HECW2: variants seen among roughly 807,000 people sequenced by gnomAD.
The protein encoded by HECW2 is HECT, C2 and WW domain containing E3 ubiquitin protein ligase 2, also known as E3 ubiquitin-protein ligase HECW2.
A neutral mutation model predicts 175.2 loss-of-function variants in HECW2; 61 were observed. That is an observed-to-expected ratio of 0.35 (90% confidence interval 0.28 to 0.43). HECW2 has a LOEUF of 0.43. Among genes scored for constraint, HECW2 ranks in the 20% least tolerant of loss-of-function variants. The probability of loss-of-function intolerance (pLI) is 1.00; values close to 1 mark genes in which losing one functional copy is unlikely to be tolerated. For synonymous variants in HECW2, 671 were observed against 731.0 expected (o/e 0.92, Z 1.32); for missense variants, 1,524 against 2,000.5 (o/e 0.76, Z 4.54).
intron 28 of HECW2, among the ~76,000 whole-genome samples, chr2:196,204,477 A>G (rs996549785): frequency 1.3e-5 from 2 of 152,192 alleles, no homozygotes; most frequent in East Asian, 3.8e-4. Flanking sequence ...GCTACTATGA[A>G]TTCTATAGCT....
intron 1 of HECW2, among the ~76,000 whole-genome samples, chr2:196,444,943 A>G (rs895369986): frequency 1.2e-4 from 19 of 152,148 alleles, no homozygotes; most frequent in African/African-American, 4.3e-4. Context: ...CTGCAAATTT[A>G]TCTATTCTGT....
rs148753553 is a variant in HECW2 at position 196,278,528 on chromosome 2, C to A, written c.3135G>T (p.Glu1045Asp). Residue 1045 changes from glutamate to aspartate, a missense_variant and splice_region_variant, in exon 15 of 29, where the codon GAG (glutamate) becomes GAT (aspartate). Glu to Asp is a conservative substitution (Grantham distance 45, BLOSUM62 2). Around this residue, in one of 11 missense-constraint regions of HECW2, gnomAD observed 291 missense variants for 412.2 expected, o/e 0.71. Transcript: ENST00000644978. ...TCAGTCCCCAAAACGCATGACTCAC[C>A]TCACCCGCACTGTGGCTGCGTTGCC... Reference protein sequence around the residue: ...LTRQRSHSAGEVGEDSRHAGP... With the variant: ...LTRQRSHSAGDVGEDSRHAGP... 1 of 1,613,680 alleles carries A rather than the reference C, an allele frequency of 6.2e-7. No homozygotes were observed. Among genetic ancestry groups the A allele is most frequent in the South Asian group, 1.1e-5 (1 of 91,040 alleles).
At chr2:196,203,525 A>G (rs1686948077) in intron 28 of HECW2, among the ~76,000 whole-genome samples, 1 of 152,132 alleles carries the variant, frequency 6.6e-6, no homozygotes, top group African/African-American at 2.4e-5. Context: ...GACAAATAAC[A>G]TTTATTATCC....
intron 20 of HECW2, among the ~76,000 whole-genome samples, chr2:196,241,831 GC>G (rs1688469362): frequency 1.3e-5 from 2 of 152,132 alleles, no homozygotes; most frequent in African/African-American, 4.8e-5. Flanking sequence ...AAATAAATCA[GC>G]CTTTTATTTT....
chr2:196,317,292 C>T lies in HECW2; in HGVS notation c.2416G>A (p.Asp806Asn). 6.2e-7 allele frequency: 1 copy of T among 1,613,026 alleles called. No homozygotes were observed. The highest frequency in any genetic ancestry group is 8.5e-7 in the Non-Finnish European group (1 of 1,179,566). ...TCCTCACTTGGTGGGAGAGCCTCGTCCACCCTCTGGTACCGGCTAACATCC... is the reference window on the plus strand; with the variant it reads ...TCCTCACTTGGTGGGAGAGCCTCGTTCACCCTCTGGTACCGGCTAACATCC... ...RQDVSRYQRVDEALPPNWEAR... is the reference protein window; with the variant it reads ...RQDVSRYQRVNEALPPNWEAR... The change falls in exon 10 of 29, where the codon GAC becomes AAC. Residue 806 changes from aspartate to asparagine, a missense_variant. Transcript: ENST00000644978.
intron 2 of HECW2, among the ~76,000 whole-genome samples, chr2:196,388,305 C>T (rs1694408876): frequency 6.6e-6 from 1 of 152,038 alleles, no homozygotes; most frequent in African/African-American, 2.4e-5. Flanking sequence ...AAAAAAATTA[C>T]AATTTTCTTA....
intron 8 of HECW2, 150 bp downstream of exon 8, chr2:196,320,189 G>A (rs1441454983): frequency 1.4e-5 from 9 of 644,592 alleles, no homozygotes; most frequent in Admixed American, 2.9e-5. Context: ...TACTTGCTTA[G>A]AAAATTTCAG....
intron 2 of HECW2, among the ~76,000 whole-genome samples, chr2:196,370,979 AACCAGAT>A (rs1304972856): frequency 6.6e-6 from 1 of 152,188 alleles, no homozygotes; most frequent in African/African-American, 2.4e-5. Flanking sequence ...ATGAAATTAA[AACCAGAT>A]ACTGTGATTG....
intron 17 of HECW2, among the ~76,000 whole-genome samples, chr2:196,265,834 T>C (rs1050370349): frequency 1.3e-5 from 2 of 152,204 alleles, no homozygotes; most frequent in African/African-American, 2.4e-5. Context: ...TTGGAGGTTG[T>C]TTAATGTCTC....
intron 2 of HECW2, among the ~76,000 whole-genome samples, chr2:196,358,585 C>CAAAAAAAAAAA (rs144181608): frequency 7.4e-5 from 5 of 67,352 alleles, no homozygotes; most frequent in Admixed American, 2.6e-4. Context: ...GACTCTGTCT[C>CAAAAAAAAAAA]AAAAAAAAAA....
intron 23 of HECW2, among the ~76,000 whole-genome samples, chr2:196,223,960 C>T (rs755585948): frequency 7.3e-4 from 111 of 152,234 alleles, no homozygotes; most frequent in African/African-American, 2.5e-3. Flanking sequence ...GGGTGACAAA[C>T]GAACTCATGT....
At chr2:196,520,039 C>T (rs527326192) in intron 1 of HECW2, among the ~76,000 whole-genome samples, 1 of 152,224 alleles carries the variant, frequency 6.6e-6, no homozygotes, top group Non-Finnish European at 1.5e-5. Context: ...ATACAAAACT[C>T]TAGTGACTAA....
intron 1 of HECW2, among the ~76,000 whole-genome samples, chr2:196,511,754 T>C (rs910162845): frequency 2.0e-5 from 3 of 152,096 alleles, no homozygotes; most frequent in African/African-American, 7.2e-5. Flanking sequence ...GGCAGAGTCT[T>C]AAGGGGCAGG....
In HECW2 at chr2:196,318,549, T is replaced by C. The variant is rs771407575; in HGVS notation, c.2338+3A>G. ...AAGAGCCACAGTGGTGTCCATATCC[T>C]ACCTCCAGTAGCGCCCTCCTCCTGG... is the stretch of plus-strand genomic sequence containing the variant. On this transcript the variant is annotated splice_donor_region_variant and intron_variant, in intron 9 of 28. Transcript: ENST00000644978. 3 of 1,501,038 alleles carry C rather than the reference T, an allele frequency of 2.0e-6. No homozygotes were observed. The highest frequency in any genetic ancestry group is 2.3e-5 in the East Asian group (1 of 42,772). 93.0% of individuals were successfully genotyped at this position (1,501,038 alleles called of 1,614,324 possible). A position where few individuals can be genotyped will look rare whatever the true frequency, so the allele number is the denominator to read the frequency against.
intron 21 of HECW2, chr2:196,240,075 T>C (rs1339675826): frequency 6.4e-6 from 1 of 155,830 alleles, no homozygotes; most frequent in Non-Finnish European, 1.4e-5. Flanking sequence ...ACGTTCTACC[T>C]AGCCCTGCAG....
At chr2:196,256,545 A>AAT (rs1689064432) in intron 18 of HECW2, among the ~76,000 whole-genome samples, 2 of 152,236 alleles carry the variant, frequency 1.3e-5, no homozygotes, top group Non-Finnish European at 2.9e-5. Context: ...GTGAATGATA[A>AAT]TTATGACTTC....
At chr2:196,391,404 G>C (rs891007584) in intron 2 of HECW2, among the ~76,000 whole-genome samples, 1 of 152,118 alleles carries the variant, frequency 6.6e-6, no homozygotes, top group African/African-American at 2.4e-5. Context: ...ATCTGCATCT[G>C]GCAGGGACCC....
rs781250302 is a variant in HECW2 at position 196,308,059 on chromosome 2, C to T, written c.2461G>A (p.Gly821Ser). The change falls in exon 11 of 29, where the codon GGC becomes AGC. Residue 821 changes from glycine (G) to serine (S), a missense_variant. By Grantham distance (56) the Gly-to-Ser change is moderately conservative (BLOSUM62 0). Transcript: ENST00000644978. ...PNWEARIDSH[G>S]RIFYVDHVNR... ...ACGTGATCCACGTAGAAGATCCTGC[C>T]GTGGCTGTCAATGCGTGCCTCCCAG... is the stretch of plus-strand genomic sequence containing the variant. 14 of 1,589,054 alleles carry T rather than the reference C, an allele frequency of 8.8e-6. No homozygotes were observed. The highest frequency in any genetic ancestry group is 5.1e-5 in the Admixed American group (3 of 59,340).
intron 13 of HECW2, among the ~76,000 whole-genome samples, chr2:196,304,214 A>C (rs552722025): frequency 6.6e-6 from 1 of 152,254 alleles, no homozygotes; most frequent in Non-Finnish European, 1.5e-5. Context: ...GAGTCTCTGC[A>C]CTTCCTTGGC....
Sources: gnomAD v4.1 joint callset for allele counts (sites outside exome capture counted in the v4.1 genomes callset) on GRCh38, gnomAD v4.1.1 for gene constraint, gnomAD v4.1.1 regional missense constraint, MANE v1.5 for transcripts, NCBI Gene and HGNC (gene_info 2026-07-23, HGNC 2026-07-21) for gene names.